Variants in TTC6 observed in about 807,000 individuals in gnomAD.
TTC6 encodes the protein tetratricopeptide repeat protein 6.
A neutral mutation model predicts 210.4 loss-of-function variants in TTC6; 172 were observed. The observed-to-expected ratio is 0.82, with a 90% CI of 0.72 to 0.93. The LOEUF (loss-of-function observed/expected upper bound fraction) is 0.93. Among genes scored for constraint, TTC6 ranks in the 40% least tolerant of loss-of-function variants. The pLI is 0.00. For synonymous variants in TTC6, 804 were observed against 819.6 expected (o/e 0.98, Z 0.32); for missense variants, 2,414 against 2,318.1 (o/e 1.04, Z -0.85).
intron 5 of TTC6, among the ~76,000 whole-genome samples, chr14:37,704,763 T>C (rs948870465): frequency 6.6e-6 from 1 of 152,112 alleles, no homozygotes. Context: ...ATGCTAATCT[T>C]AGAAAGGGTG....
Position 37,696,113 on chromosome 14 carries a change from A to T in TTC6, c.1258-604A>T, listed in dbSNP as rs900074810. On this transcript the variant is annotated intron_variant, in intron 3 of 30. Coordinates refer to ENST00000553443, the Ensembl canonical transcript of TTC6. ...GCAATAGCTCCTTCTTTACTACTGT[A>T]TCAAACCTAAACCCTACCTAACATA... Among the ~76,000 whole-genome samples the T allele has an allele frequency of 2.0e-5, 3 of 152,188 alleles. No individual in the cohort carries two copies. In the East Asian group the frequency reaches 5.8e-4, roughly 29 times the overall value.
intron 1 of TTC6, among the ~76,000 whole-genome samples, chr14:37,651,626 C>G (rs924916778): frequency 2.0e-5 from 3 of 151,518 alleles, no homozygotes; most frequent in Non-Finnish European, 4.4e-5. Flanking sequence ...TAATGTGTCT[C>G]AAGTACAGAG....
At chr14:37,667,419 A>C (rs2095750296) in intron 1 of TTC6, among the ~76,000 whole-genome samples, 1 of 150,506 alleles carries the variant, frequency 6.6e-6, no homozygotes, top group Admixed American at 6.6e-5. Flanking sequence ...CTTTCCCAGA[A>C]GACCAAGGTT....
intron 4 of TTC6, among the ~76,000 whole-genome samples, chr14:37,699,227 C>G (rs2095820304): frequency 6.6e-6 from 1 of 152,182 alleles, no homozygotes; most frequent in Non-Finnish European, 1.5e-5. Flanking sequence ...GTATCCATAA[C>G]TGAAGGGACT....
intron 2 of TTC6, among the ~76,000 whole-genome samples, chr14:37,614,180 A>G (rs1247468265): frequency 6.6e-6 from 1 of 152,112 alleles, no homozygotes; most frequent in African/African-American, 2.4e-5. Flanking sequence ...ATATTTTTTA[A>G]GATTTAATAA....
At chr14:37,780,171 G>A (rs1310013884) in intron 14 of TTC6, among the ~76,000 whole-genome samples, 1 of 152,184 alleles carries the variant, frequency 6.6e-6, no homozygotes, top group Non-Finnish European at 1.5e-5. Flanking sequence ...TTTTTTAGCA[G>A]TGAATACTAA....
chr14:37,826,778 G>C (rs1380060112), intron 28 of TTC6, among the ~76,000 whole-genome samples: 1 of 152,054 alleles, frequency 6.6e-6, no homozygotes, highest in African/African-American at 2.4e-5. Context: ...TAGCTTTTGG[G>C]TTTTGATTCT....
intron 1 of TTC6, among the ~76,000 whole-genome samples, chr14:37,640,049 A>G (rs765347375): frequency 6.6e-6 from 1 of 151,976 alleles, no homozygotes; most frequent in Non-Finnish European, 1.5e-5. Context: ...TTATTGTAAC[A>G]AGGATTTCGA....
At chr14:37,628,174 G>GGTAAAATGTCAT (rs2095663593) in intron 1 of TTC6, among the ~76,000 whole-genome samples, 1 of 152,080 alleles carries the variant, frequency 6.6e-6, no homozygotes, top group South Asian at 2.1e-4. Context: ...TTACCATGTT[G>GGTAAAATGTCAT]GTCATGCTAG....
intron 15 of TTC6, among the ~76,000 whole-genome samples, chr14:37,788,915 T>G (rs1300131169): frequency 6.6e-6 from 1 of 152,152 alleles, no homozygotes; most frequent in East Asian, 1.9e-4. Flanking sequence ...TCTCTGATCT[T>G]CCTCTAAAGG....
chr14:37,668,467 T>C (rs1378008260), intron 1 of TTC6, among the ~76,000 whole-genome samples: 1 of 150,416 alleles, frequency 6.6e-6, no homozygotes, highest in African/African-American at 2.4e-5. Flanking sequence ...CTCCATGCAA[T>C]TTTATCCCCC....
intron 3 of TTC6, among the ~76,000 whole-genome samples, chr14:37,692,393 T>G (rs946932863): frequency 6.6e-6 from 1 of 151,848 alleles, no homozygotes; most frequent in Non-Finnish European, 1.5e-5. Flanking sequence ...TGGTTCAACA[T>G]ATGCAAATCA....
At chr14:37,599,209 G>T (rs1355440162) in intron 1 of TTC6, among the ~76,000 whole-genome samples, 1 of 152,210 alleles carries the variant, frequency 6.6e-6, no homozygotes, top group African/African-American at 2.4e-5. Context: ...GCCTGGCCAG[G>T]GTTCGAACTC....
chr14:37,687,637 C>T (rs561859926), intron 3 of TTC6, among the ~76,000 whole-genome samples: 13 of 152,140 alleles, frequency 8.5e-5, no homozygotes, highest in Admixed American at 6.5e-4. Context: ...TCTTACATAC[C>T]GAGCTCAGCC....
At chr14:37,701,815 T>A (rs1032207345) in intron 5 of TTC6, among the ~76,000 whole-genome samples, 1 of 152,156 alleles carries the variant, frequency 6.6e-6, no homozygotes, top group Non-Finnish European at 1.5e-5. Flanking sequence ...GGAGTACAGA[T>A]GTGGAAATTG....
chr14:37,633,620 ACAATTTCCAGT>A (rs1315737837), intron 1 of TTC6, among the ~76,000 whole-genome samples: 1 of 152,192 alleles, frequency 6.6e-6, no homozygotes, highest in Non-Finnish European at 1.5e-5. Flanking sequence ...ACAGCCTAAT[ACAATTTCCAGT>A]ATCAACGGGC....
In TTC6 at chr14:37,598,021, G is replaced by GAAAT. The variant is rs2139200156; in HGVS notation, c.-235+2013_-235+2014insAAAT. Among the ~76,000 whole-genome samples, 1 of 152,314 alleles carries GAAAT rather than the reference G, an allele frequency of 6.6e-6. No individual in the cohort carries two copies. Among genetic ancestry groups the GAAAT allele is most frequent in the East Asian group, 1.9e-4 (1 of 5,188 alleles). The stretch of plus-strand genomic sequence containing the variant: ...AAAGCGAATCAGCAGGGTCGTGTTG[G>GAAAT]GTCTTTGACTTGGAAATGCATACAT... On this transcript the variant is annotated intron_variant, in intron 1 of 2. Transcript: ENST00000556845. This position sits in a 1 kb window ranked among gnomAD's most constrained non-coding sequence, Gnocchi z 4.9.
chr14:37,807,206 A>C, intron 22 of TTC6, 114 bp from the exon 25 acceptor site: 5 of 1,004,368 alleles, frequency 5.0e-6, no homozygotes, highest in Non-Finnish European at 6.6e-6. Flanking sequence ...AAAAGACTAT[A>C]TTTTAATACC....
At position 37,709,549 on chromosome 14, in the gene TTC6, TCTGTTACCATAA is replaced by T. The variant is rs373073013; in HGVS notation, c.1572-5102_1572-5091del. On this transcript the variant is annotated intron_variant, in intron 5 of 30. Coordinates refer to ENST00000553443, the Ensembl canonical transcript of TTC6. ...CAAAAAGGAATTATTTGAAAATTTG[TCTGTTACCATAA>T]CTGCCAATATGTGAAAGCTGGATTT... Among the ~76,000 whole-genome samples, 815 of 152,200 alleles carry T rather than the reference TCTGTTACCATAA, an allele frequency of 5.4e-3. 6 individuals carry two copies. The highest frequency in any genetic ancestry group is 0.016 in the African/African-American group (681 of 41,556).
Sources: allele counts gnomAD v4.1 joint callset (sites outside exome capture counted in the v4.1 genomes callset), GRCh38; gene constraint gnomAD v4.1.1; non-coding constraint Gnocchi (gnomAD v3.1); transcripts MANE v1.5; gene names NCBI Gene and HGNC (gene_info 2026-07-23, HGNC 2026-07-21).